The following SLC25A48 variants were observed in gnomAD, a reference collection of about 807,000 sequenced individuals.
The protein encoded by SLC25A48 is solute carrier family 25 member 48, also known as CTC-321K16.1.
SLC25A48 carries 29 observed loss-of-function variants against 32.2 expected under a neutral mutation model. That is an observed-to-expected ratio of 0.90 (90% CI 0.67 to 1.23). The LOEUF (loss-of-function observed/expected upper bound fraction) is 1.23, where lower values mean the gene tolerates loss of function less well. SLC25A48 is among the 50% of genes most tolerant of loss of function. The pLI, the probability that SLC25A48 is intolerant of heterozygous loss-of-function variation, is 0.00. For synonymous variants in SLC25A48, 164 were observed against 172.3 expected, an observed-to-expected ratio of 0.95 and a Z score of 0.38; for missense variants, 399 against 422.7, an observed-to-expected ratio of 0.94 and a Z score of 0.49.
intron 3 of SLC25A48, among the ~76,000 whole-genome samples, chr5:135,710,812 A>G (rs539474357): frequency 1.3e-5 from 2 of 152,314 alleles, no homozygotes; most frequent in East Asian, 1.9e-4. Context: ...ACCTAGCCTC[A>G]TTTGTACAGG....
At chr5:135,650,567 A>AAC (rs1554118879) in intron 3 of SLC25A48, 720 of 312,030 alleles carry the variant, frequency 2.3e-3, no homozygotes, top group South Asian at 4.1e-3. Flanking sequence ...ACTAAAAAAA[A>AAC]AACAACAACA....
chr5:135,820,716 TTA>T (rs1757862015), intron 4 of SLC25A48, among the ~76,000 whole-genome samples: 1 of 152,202 alleles, frequency 6.6e-6, no homozygotes, highest in Non-Finnish European at 1.5e-5. Flanking sequence ...GACAAATAAT[TTA>T]TTCTTAAGTG....
At chr5:135,584,371 C>A (rs1360228606) in intron 1 of SLC25A48, among the ~76,000 whole-genome samples, 1 of 152,188 alleles carries the variant, frequency 6.6e-6, no homozygotes, top group Non-Finnish European at 1.5e-5. Flanking sequence ...AGGCAATTAA[C>A]CAATTCATCA....
At chr5:135,745,895 C>G (rs908383530) in intron 3 of SLC25A48, among the ~76,000 whole-genome samples, 1 of 152,124 alleles carries the variant, frequency 6.6e-6, no homozygotes, top group Non-Finnish European at 1.5e-5. Context: ...TGAGGACTCC[C>G]TGACTTTGAA....
intron 2 of SLC25A48, among the ~76,000 whole-genome samples, chr5:135,849,876 A>G (rs6870487): frequency 0.63 from 95,718 of 151,228 alleles, 30,411 homozygotes; most frequent in South Asian, 0.71. Flanking sequence ...CTCAGGGAGA[A>G]TGCAGAATTT....
intron 3 of SLC25A48, among the ~76,000 whole-genome samples, chr5:135,724,953 C>A (rs1755053042): frequency 6.6e-6 from 1 of 152,260 alleles, no homozygotes; most frequent in Non-Finnish European, 1.5e-5. Flanking sequence ...CCAGCCCAGC[C>A]TTGGCTACTG....
upstream of SLC25A48, among the ~76,000 whole-genome samples, chr5:135,830,595 C>T (rs530357432): frequency 6.6e-6 from 1 of 152,290 alleles, no homozygotes; most frequent in African/African-American, 2.4e-5. Flanking sequence ...ACATACTTTC[C>T]CAAAGTGCCA....
chr5:135,684,897 T>G (rs756798), intron 3 of SLC25A48, among the ~76,000 whole-genome samples: 113,291 of 152,000 alleles, frequency 0.75, 42,818 homozygotes, highest in Middle Eastern at 0.86. Flanking sequence ...TGTTCTGCAG[T>G]GTAGATTTAT....
intron 1 of SLC25A48, among the ~76,000 whole-genome samples, chr5:135,612,285 G>A (rs966537770): frequency 6.6e-6 from 1 of 152,138 alleles, no homozygotes; most frequent in African/African-American, 2.4e-5. Flanking sequence ...ACATATTTAT[G>A]GGGTACATGT....
At chr5:135,637,779 A>G (rs1752738687) in intron 3 of SLC25A48, among the ~76,000 whole-genome samples, 1 of 152,120 alleles carries the variant, frequency 6.6e-6, no homozygotes, top group African/African-American at 2.4e-5. Flanking sequence ...TTTTTCGGGA[A>G]ACTAATTGGA....
At chr5:135,602,606 TTTTC>T (rs1751824648) in intron 1 of SLC25A48, among the ~76,000 whole-genome samples, 1 of 149,756 alleles carries the variant, frequency 6.7e-6, no homozygotes, top group Non-Finnish European at 1.5e-5. Flanking sequence ...TTCTTTTTTT[TTTTC>T]TTTCTTTTTT....
At chr5:135,691,358 T>G (rs1348098129) in intron 3 of SLC25A48, among the ~76,000 whole-genome samples, 1 of 152,178 alleles carries the variant, frequency 6.6e-6, no homozygotes, top group Non-Finnish European at 1.5e-5. Context: ...ACGGGTTGTA[T>G]GGGAGTCCTT....
intron 3 of SLC25A48, among the ~76,000 whole-genome samples, chr5:135,735,407 G>A (rs1755337105): frequency 6.6e-6 from 1 of 152,228 alleles, no homozygotes; most frequent in Non-Finnish European, 1.5e-5. Context: ...GAGACAGTCA[G>A]AAAGCCTGGG....
intron 3 of SLC25A48, 128 bp downstream of exon 3, chr5:135,850,624 T>A: frequency 1.3e-6 from 1 of 790,452 alleles, no homozygotes; most frequent in Admixed American, 2.4e-5. Flanking sequence ...CAGCTTGATT[T>A]TCCCTACTTC....
At chr5:135,778,932 CAT>C (rs1406644514) in intron 3 of SLC25A48, among the ~76,000 whole-genome samples, 1 of 148,232 alleles carries the variant, frequency 6.7e-6, no homozygotes, top group Non-Finnish European at 1.5e-5. Flanking sequence ...CACCTCCACT[CAT>C]ATATGTTTTA....
intron 6 of SLC25A48, among the ~76,000 whole-genome samples, chr5:135,878,237 G>A (rs952581915): frequency 5.9e-5 from 9 of 152,162 alleles, no homozygotes; most frequent in Non-Finnish European, 8.8e-5. Flanking sequence ...TGCAGGGCCC[G>A]GGGCTGTGGG....
intron 3 of SLC25A48, among the ~76,000 whole-genome samples, chr5:135,705,597 A>T (rs1754489411): frequency 6.6e-6 from 1 of 152,238 alleles, no homozygotes; most frequent in South Asian, 2.1e-4. Context: ...TGCCTACATA[A>T]GTGGTAACCT....
chr5:135,805,630 C>G (rs1233187222), intron 3 of SLC25A48, among the ~76,000 whole-genome samples: 4 of 151,362 alleles, frequency 2.6e-5, no homozygotes, highest in Non-Finnish European at 5.9e-5. Context: ...ATATGTTAAA[C>G]AGATATTGCT....
chr5:135,753,055 G>T (rs1322037149), intron 3 of SLC25A48, among the ~76,000 whole-genome samples: 3 of 152,140 alleles, frequency 2.0e-5, no homozygotes, highest in East Asian at 1.9e-4. Context: ...ATCACTGGGG[G>T]TGTACGTACA....
Sources: gnomAD v4.1 joint callset for allele counts (sites outside exome capture counted in the v4.1 genomes callset) on GRCh38, gnomAD v4.1.1 for gene constraint, MANE v1.5 for transcripts, NCBI Gene and HGNC (gene_info 2026-07-23, HGNC 2026-07-21) for gene names.